Variants in EVC observed in about 807,000 individuals in gnomAD.
The protein encoded by EVC is EvC ciliary complex subunit 1, also known as evC complex member EVC.
A neutral mutation model predicts 118.9 loss-of-function variants in EVC; 116 were observed. The observed-to-expected ratio is 0.98, with a 90% confidence interval of 0.84 to 1.14. The LOEUF is 1.14. EVC is among the 50% of genes most tolerant of loss of function. EVC has a pLI of 0.00. For missense variants in EVC, 1,401 were observed against 1,246.4 expected, an observed-to-expected ratio of 1.12 and a Z score of -1.87; for synonymous variants, 619 against 534.7, an observed-to-expected ratio of 1.16 and a Z score of -2.18.
intron 6 of EVC, among the ~76,000 whole-genome samples, chr4:5,744,353 T>C (rs1223811302): frequency 6.6e-6 from 1 of 152,206 alleles, no homozygotes; most frequent in Non-Finnish European, 1.5e-5. Flanking sequence ...TTTATATCAA[T>C]GTTATTTTTC....
intron 20 of EVC, 58 bp from the exon 21 acceptor site, chr4:5,810,895 C>A: frequency 6.9e-7 from 1 of 1,451,464 alleles, no homozygotes; most frequent in Non-Finnish European, 9.6e-7. Context: ...TAAGTTATGG[C>A]ATCATGATGG....
rs1483614570 is a variant in EVC at position 5,797,048 on chromosome 4, A to G, written c.1913A>G (p.His638Arg). 2 of 1,613,180 alleles carry G rather than the reference A, an allele frequency of 1.2e-6. No homozygotes were observed. The highest frequency in any genetic ancestry group is 2.7e-5 in the African/African-American group (2 of 74,932). Residue 638 changes from histidine (H) to arginine (R), a missense_variant, in exon 14 of 21, where the codon CAT becomes CGT. Coordinates refer to ENST00000264956, the MANE Select transcript of EVC (RefSeq NM_153717.3). ...EESTRCVLQG[H>R]DLLLRSALRR... The stretch of plus-strand genomic sequence containing the variant: ...TCCACGCGGTGTGTCCTGCAGGGGC[A>G]TGACCTGCTGTTGCGCTCAGCCCTC...
Position 5,809,511 on chromosome 4 carries a change from A to G in EVC, c.2689-7A>G. On this transcript the variant is annotated splice_polypyrimidine_tract_variant and splice_region_variant and intron_variant, in intron 18 of 20. Coordinates refer to ENST00000264956, the MANE Select transcript of EVC (RefSeq NM_153717.3). ...CAGCTGAATGCTCCTCTCTGCTTGCATTTCAGGAAGCTGAACAGAACTTCA... is the reference window on the plus strand; with the variant it reads ...CAGCTGAATGCTCCTCTCTGCTTGCGTTTCAGGAAGCTGAACAGAACTTCA... 2 of 1,614,034 alleles carry G rather than the reference A, an allele frequency of 1.2e-6. No homozygotes were observed. Among genetic ancestry groups the G allele is most frequent in the South Asian group, 2.2e-5 (2 of 91,080 alleles).
chr4:5,757,626 T>C lies in EVC; in HGVS notation c.1563+1264T>C, dbSNP rs78816181. On this transcript the variant is annotated intron_variant, in intron 11 of 20. Coordinates refer to ENST00000264956, the MANE Select transcript of EVC (RefSeq NM_153717.3). The stretch of plus-strand genomic sequence containing the variant: ...TCCCGTTGCCTCCTCACACGGTTAT[T>C]TCTCTGTGCTTGGAAGACTGAAGGG... Among the ~76,000 whole-genome samples, 354 of 152,310 alleles carry C rather than the reference T, an allele frequency of 2.3e-3. 2 individuals carry two copies. The highest frequency in any genetic ancestry group is 7.8e-3 in the African/African-American group (324 of 41,568).
intron 2 of EVC, among the ~76,000 whole-genome samples, chr4:5,728,909 A>G (rs1396509117): frequency 6.6e-6 from 1 of 152,178 alleles, no homozygotes; most frequent in Non-Finnish European, 1.5e-5. Flanking sequence ...TTCTCTTATG[A>G]TAGCATTTGT....
rs766517088 is a variant in EVC at position 5,729,430 on chromosome 4, C to A, written c.384+40C>A. ...CTCCATCATAGAAAGCCAGTTACTT[C>A]CGTCATGTGCCAGAGATTGGGAGGA... On this transcript the variant is annotated intron_variant, in intron 3 of 20. Coordinates refer to ENST00000264956, the MANE Select transcript of EVC (RefSeq NM_153717.3). The A allele has an allele frequency of 1.2e-5, 19 of 1,568,278 alleles. No individual in the cohort carries two copies. The Admixed American group carries it at 3.2e-4, about 26-fold the overall frequency.
At position 5,813,273 on chromosome 4, in the gene EVC, C is replaced by G. The variant is rs1476952469; in HGVS notation, c.*2236C>G. On this transcript the variant is annotated 3_prime_UTR_variant, in exon 21 of 21. Transcript: ENST00000264956. Reference sequence around the variant, plus strand: ...CTGGAGTGCAGTGGCGTGATCTCGGCTCATGGCAATCTCCATCTCCCGGGT... The same window carrying G: ...CTGGAGTGCAGTGGCGTGATCTCGGGTCATGGCAATCTCCATCTCCCGGGT... 1 of 152,238 alleles carries G rather than the reference C, an allele frequency of 6.6e-6. No individual in the cohort carries two copies. Among genetic ancestry groups the G allele is most frequent in the Non-Finnish European group, 1.5e-5 (1 of 68,060 alleles). 9.4% of individuals were successfully genotyped at this position (152,238 alleles called of 1,614,324 possible).
At position 5,802,085 on chromosome 4, in the gene EVC, AC is replaced by A. The variant is rs1331572363; in HGVS notation, c.2443del (p.Leu815CysfsTer113). ...GGAGAGAAAACTGCAGCACCTGAAGACCCTGCAGGGTACGGGACCCCCCCTC... is the reference window on the plus strand; with the variant it reads ...GGAGAGAAAACTGCAGCACCTGAAGACCTGCAGGGTACGGGACCCCCCCTC... ...HEERKLQHLK[T>X]LQGERMENYK... On this transcript the variant is annotated frameshift_variant, in exon 16 of 21. Coordinates refer to ENST00000264956, the MANE Select transcript of EVC (RefSeq NM_153717.3). LOFTEE classifies it high-confidence loss of function. 3 of 1,608,228 alleles carry A rather than the reference AC, an allele frequency of 1.9e-6. No individual in the cohort carries two copies. The highest frequency in any genetic ancestry group is 2.5e-6 in the Non-Finnish European group (3 of 1,177,712).
intron 11 of EVC, among the ~76,000 whole-genome samples, chr4:5,773,337 G>A (rs1360083772): frequency 6.6e-6 from 1 of 152,054 alleles, no homozygotes; most frequent in Non-Finnish European, 1.5e-5. Flanking sequence ...GATCTAGGCT[G>A]GGCTTGATTA....
At chr4:5,810,213 T>C (rs1410438154) in intron 19 of EVC, 126 bp from the exon 20 acceptor site, 2 of 758,034 alleles carry the variant, frequency 2.6e-6, no homozygotes, top group African/African-American at 1.7e-5. Flanking sequence ...TAGCATAAGA[T>C]ACCAAGCATA....
Position 5,715,740 on chromosome 4 carries a change from C to CCTTTTTTTTTTTTTTTTTTTTT in EVC, c.175-3508_175-3507insCTTTTTTTTTTTTTTTTTTTTT, listed in dbSNP as rs1553860016. ...AATTTCGAAGGCATTTTTCCATTGTCTTTTTTTTTTTTTTTTTTTTTGAGA... is the reference window on the plus strand; with the variant it reads ...AATTTCGAAGGCATTTTTCCATTGTCCTTTTTTTTTTTTTTTTTTTTTTTTTTTTTTTTTTTTTTTTTTGAGA... On this transcript the variant is annotated intron_variant, in intron 1 of 20. Coordinates refer to ENST00000264956, the MANE Select transcript of EVC (RefSeq NM_153717.3). Among the ~76,000 whole-genome samples, 43 of 70,992 alleles carry CCTTTTTTTTTTTTTTTTTTTTT rather than the reference C, an allele frequency of 6.1e-4. 21 individuals are homozygous for CCTTTTTTTTTTTTTTTTTTTTT. Among genetic ancestry groups the CCTTTTTTTTTTTTTTTTTTTTT allele is most frequent in the South Asian group, 8.8e-4 (2 of 2,264 alleles). 46.6% of individuals were successfully genotyped at this position (70,992 alleles called of 152,430 possible).
intron 16 of EVC, among the ~76,000 whole-genome samples, chr4:5,803,795 C>T (rs1385202992): frequency 6.6e-6 from 1 of 152,214 alleles, no homozygotes; most frequent in Non-Finnish European, 1.5e-5. Context: ...GGGCCTCCTG[C>T]CGTGGCCACT....
rs913030218 is a variant in EVC at position 5,738,707 on chromosome 4, C to T, written c.703-3009C>T. Among the ~76,000 whole-genome samples, 3 of 151,938 alleles carry T rather than the reference C, an allele frequency of 2.0e-5. No individual in the cohort carries two copies. The highest frequency in any genetic ancestry group is 4.4e-5 in the Non-Finnish European group (3 of 68,014). ...TCAGCCTCCCGAGCAGCTGGGACCACAGGCGCGCACCACCTCGCCCAGACA... is the reference window on the plus strand; with the variant it reads ...TCAGCCTCCCGAGCAGCTGGGACCATAGGCGCGCACCACCTCGCCCAGACA... On this transcript the variant is annotated intron_variant, in intron 5 of 20. Coordinates refer to ENST00000264956, the MANE Select transcript of EVC (RefSeq NM_153717.3). This position sits in a 1 kb window ranked among gnomAD's most constrained non-coding sequence, Gnocchi z 6.5.
At chr4:5,809,726 C>G in intron 19 of EVC, 115 bp downstream of exon 19, 1 of 965,606 alleles carries the variant, frequency 1.0e-6, no homozygotes, top group African/African-American at 1.6e-5. Context: ...TGCCTAGGCT[C>G]TCTGGGCTTT....
At chr4:5,720,507 C>A (rs1455578211) in intron 2 of EVC, among the ~76,000 whole-genome samples, 2 of 143,164 alleles carry the variant, frequency 1.4e-5, no homozygotes, top group Admixed American at 6.7e-5. Flanking sequence ...CCTGTTCCAT[C>A]CTGTTCCGCA....
chr4:5,816,971 C>G (rs556406860), downstream of EVC, among the ~76,000 whole-genome samples: 11 of 152,284 alleles, frequency 7.2e-5, no homozygotes, highest in Admixed American at 2.6e-4. Context: ...GTTCTCCTTT[C>G]TCTGGAAACC....
At chr4:5,713,364 G>A (rs1723362026) in intron 1 of EVC, among the ~76,000 whole-genome samples, 1 of 152,176 alleles carries the variant, frequency 6.6e-6, no homozygotes, top group African/African-American at 2.4e-5. Context: ...CACCTCCAGT[G>A]ACTCCTGGCT....
intron 1 of EVC, among the ~76,000 whole-genome samples, chr4:5,714,911 C>T (rs1428129182): frequency 6.6e-6 from 1 of 151,808 alleles, no homozygotes; most frequent in Non-Finnish European, 1.5e-5. Context: ...CTCAGGTGAT[C>T]CTCCCGCCTC....
rs1020834361 is a variant in EVC at position 5,756,669 on chromosome 4, A to G, written c.1563+307A>G. ...TTCTCCCCAGGTGAGAAATAGGCCC[A>G]GGGTTTCTGGGTGTCATCAGTGTAA... On this transcript the variant is annotated intron_variant, in intron 11 of 20. Transcript: ENST00000264956. The surrounding 1 kb of genome is among the most constrained non-coding windows in gnomAD (Gnocchi z 4.2). Among the ~76,000 whole-genome samples, 2 of 152,182 alleles carry G rather than the reference A, an allele frequency of 1.3e-5. No individual in the cohort carries two copies. The highest frequency in any genetic ancestry group is 2.9e-5 in the Non-Finnish European group (2 of 68,030).
Sources: gnomAD v4.1 joint callset for allele counts (sites outside exome capture counted in the v4.1 genomes callset) on GRCh38, gnomAD v4.1.1 for gene constraint, Gnocchi (gnomAD v3.1) non-coding constraint, MANE v1.5 for transcripts, NCBI Gene and HGNC (gene_info 2026-07-23, HGNC 2026-07-21) for gene names.